The following ANXA8 variants were observed in gnomAD, a reference collection of about 807,000 sequenced individuals.
The protein encoded by ANXA8 is VAC-beta.
ANXA8 carries 9 observed loss-of-function variants against 26.8 expected under a neutral mutation model. The observed-to-expected ratio is 0.34, with a 90% CI of 0.20 to 0.59. The LOEUF (loss-of-function observed/expected upper bound fraction) is 0.59. ANXA8 is among the 20% of genes least tolerant of loss of function. The pLI is 0.84. For synonymous variants in ANXA8, 39 were observed against 94.8 expected, an observed-to-expected ratio of 0.41 and a Z score of 3.42; for missense variants, 83 against 238.5, an observed-to-expected ratio of 0.35 and a Z score of 4.29.
chr10:47,705,399 A>G, the ANXA8 span, among the ~76,000 whole-genome samples: 7 of 130,578 alleles, frequency 5.4e-5, no homozygotes, highest in Non-Finnish European at 1.1e-4. Context: ...GTAGATGTTG[A>G]TAGAATAGAA....
At chr10:47,555,168 G>A in the ANXA8 span, among the ~76,000 whole-genome samples, 2 of 145,428 alleles carry the variant, frequency 1.4e-5, no homozygotes, top group Non-Finnish European at 3.0e-5. Flanking sequence ...ACAGTGGCCA[G>A]TGCCCAGCAG....
At chr10:47,580,511 G>A in the ANXA8 span, among the ~76,000 whole-genome samples, 1,500 of 150,772 alleles carry the variant, frequency 9.9e-3, 11 homozygotes, top group African/African-American at 0.035. Context: ...TGAGACAGGC[G>A]GATCACTTGA....
At chr10:47,940,570 C>T in the ANXA8 span, among the ~76,000 whole-genome samples, 2 of 146,910 alleles carry the variant, frequency 1.4e-5, no homozygotes, top group Non-Finnish European at 3.0e-5. Context: ...TGGCTCACAC[C>T]TGTAATCCCA....
At chr10:47,692,465 C>T in the ANXA8 span, 5 of 29,814 alleles carry the variant, frequency 1.7e-4, no homozygotes, top group African/African-American at 5.7e-4. Context: ...ATCCTCCTGC[C>T]GCAGCCTCCC....
At chr10:47,669,631 C>T in the ANXA8 span, among the ~76,000 whole-genome samples, 5 of 151,488 alleles carry the variant, frequency 3.3e-5, no homozygotes, top group Non-Finnish European at 7.4e-5. Flanking sequence ...GGGAGGATCG[C>T]ATGAGCCTGG....
the ANXA8 span, among the ~76,000 whole-genome samples, chr10:47,625,883 T>G: frequency 8.7e-3 from 1,308 of 150,772 alleles, 8 homozygotes; most frequent in Non-Finnish European, 0.015. Flanking sequence ...AATTTCCCCA[T>G]GCCCTAGCTT....
At chr10:47,975,281 A>G in the ANXA8 span, among the ~76,000 whole-genome samples, 1 of 149,656 alleles carries the variant, frequency 6.7e-6, no homozygotes, top group Non-Finnish European at 1.5e-5. Flanking sequence ...AAAGAATGCC[A>G]TGTTCAAAGA....
At chr10:47,777,543 T>TA in the ANXA8 span, among the ~76,000 whole-genome samples, 1 of 152,042 alleles carries the variant, frequency 6.6e-6, no homozygotes, top group Non-Finnish European at 1.5e-5. Flanking sequence ...CCAGTAAAAA[T>TA]AAGATAAACA....
chr10:47,497,811 G>T, the ANXA8 span, among the ~76,000 whole-genome samples: 1 of 150,768 alleles, frequency 6.6e-6, no homozygotes, highest in African/African-American at 2.4e-5. Context: ...GGTGGCATGT[G>T]CCTGTAAGTT....
At chr10:47,687,264 ATT>A in the ANXA8 span, among the ~76,000 whole-genome samples, 10 of 130,894 alleles carry the variant, frequency 7.6e-5, no homozygotes, top group Admixed American at 2.3e-4. Flanking sequence ...TCCCACCAAC[ATT>A]TTTTTTTTTT....
At chr10:47,649,832 C>T in the ANXA8 span, among the ~76,000 whole-genome samples, 1,307 of 121,984 alleles carry the variant, frequency 0.011, 19 homozygotes, top group Middle Eastern at 0.022. Context: ...TAGACTCGAG[C>T]GGTCCTCCCA....
At chr10:47,930,169 C>G in the ANXA8 span, among the ~76,000 whole-genome samples, 3 of 151,674 alleles carry the variant, frequency 2.0e-5, no homozygotes, top group Non-Finnish European at 2.9e-5. Flanking sequence ...AACTTTCTCC[C>G]TTGCTCCCTT....
chr10:47,712,802 TGTTTG>T, the ANXA8 span, among the ~76,000 whole-genome samples: 6 of 98,106 alleles, frequency 6.1e-5, no homozygotes, highest in Admixed American at 1.1e-4. Context: ...TTTTTTTTTT[TGTTTG>T]TTTGAGACAG....
At chr10:47,554,697 A>G in the ANXA8 span, among the ~76,000 whole-genome samples, 3 of 151,120 alleles carry the variant, frequency 2.0e-5, no homozygotes, top group Admixed American at 1.3e-4. Flanking sequence ...TGTCACCGAG[A>G]CCCCCAGGCT....
At chr10:47,975,630 A>C in the ANXA8 span, among the ~76,000 whole-genome samples, 1 of 151,160 alleles carries the variant, frequency 6.6e-6, no homozygotes, top group Non-Finnish European at 1.5e-5. Flanking sequence ...TTCATCTGCA[A>C]ATGAAGATAA....
At chr10:47,976,601 G>A in the ANXA8 span, among the ~76,000 whole-genome samples, 2 of 147,060 alleles carry the variant, frequency 1.4e-5, no homozygotes, top group African/African-American at 2.5e-5. Flanking sequence ...CATGACAGCT[G>A]TGAAAACCAG....
the ANXA8 span, among the ~76,000 whole-genome samples, chr10:47,678,778 C>T: frequency 6.6e-6 from 1 of 150,936 alleles, no homozygotes; most frequent in Non-Finnish European, 1.5e-5. Flanking sequence ...GGGTGGCTCA[C>T]ACTTGTAATC....
chr10:47,737,531 T>A, the ANXA8 span, among the ~76,000 whole-genome samples: 1 of 151,944 alleles, frequency 6.6e-6, no homozygotes, highest in Non-Finnish European at 1.5e-5. Context: ...CTATATTTAT[T>A]GCTGAGCCAG....
At chr10:47,648,363 AT>A in the ANXA8 span, among the ~76,000 whole-genome samples, 2 of 151,034 alleles carry the variant, frequency 1.3e-5, no homozygotes, top group Admixed American at 6.6e-5. Flanking sequence ...TAGTAAATCA[AT>A]TTTTTTACCT....
Sources: gnomAD v4.1 joint callset for allele counts (sites outside exome capture counted in the v4.1 genomes callset) on GRCh38, gnomAD v4.1.1 for gene constraint, MANE v1.5 for transcripts, NCBI Gene and HGNC (gene_info 2026-07-23, HGNC 2026-07-21) for gene names.